RBFOX1: variants seen among roughly 807,000 people sequenced by gnomAD.
RBFOX1 encodes the protein RNA binding protein fox-1 homolog 1.
A neutral mutation model predicts 57.7 loss-of-function variants in RBFOX1; 8 were observed. The observed-to-expected ratio is 0.14, with a 90% CI of 0.08 to 0.25. RBFOX1 has a LOEUF of 0.25. RBFOX1 is among the 10% of genes least tolerant of loss of function. RBFOX1 has a pLI of 1.00. For missense variants in RBFOX1, 611 were observed against 548.5 expected (o/e 1.11, Z -1.14); for synonymous variants, 326 against 222.4 (o/e 1.47, Z -4.15).
chr16:5,664,852 A>G (rs542055449), intron 3 of RBFOX1, among the ~76,000 whole-genome samples: 2 of 152,078 alleles, frequency 1.3e-5, no homozygotes, highest in East Asian at 3.9e-4. Flanking sequence ...TGCAATACAC[A>G]TGGCCTTGAT....
At chr16:7,242,135 T>C (rs1297055756) in intron 4 of RBFOX1, among the ~76,000 whole-genome samples, 1 of 152,166 alleles carries the variant, frequency 6.6e-6, no homozygotes, top group African/African-American at 2.4e-5. Context: ...TGCTTATTGC[T>C]TGGCACACAT....
At chr16:7,173,885 A>G (rs188101747) in intron 4 of RBFOX1, among the ~76,000 whole-genome samples, 1 of 152,226 alleles carries the variant, frequency 6.6e-6, no homozygotes, top group East Asian at 1.9e-4. Flanking sequence ...TATTATGCTC[A>G]GTGGTTTCTC....
intron 1 of RBFOX1, among the ~76,000 whole-genome samples, chr16:5,281,152 AT>A (rs919579150): frequency 6.6e-6 from 1 of 152,086 alleles, no homozygotes; most frequent in Admixed American, 6.5e-5. Context: ...TGTTTAAAAA[AT>A]TTTTTTAATT....
intron 1 of RBFOX1, among the ~76,000 whole-genome samples, chr16:5,444,278 C>T (rs2068174550): frequency 6.6e-6 from 1 of 152,224 alleles, no homozygotes; most frequent in African/African-American, 2.4e-5. Context: ...CCTGTTGCTT[C>T]TGATGACCTC....
Position 6,768,092 on chromosome 16 carries a change from T to A in RBFOX1, c.-16+113442T>A, listed in dbSNP as rs373544149. On this transcript the variant is annotated intron_variant, in intron 3 of 15. Coordinates refer to ENST00000550418, the MANE Select transcript of RBFOX1 (RefSeq NM_018723.4). ...TTAGTTATTTAGCTGGAAATATGAA[T>A]CCACTGATAAAGGTGGATTTGCTTG... Among the ~76,000 whole-genome samples, 10 of 151,092 alleles carry A rather than the reference T, an allele frequency of 6.6e-5. No homozygotes were observed. In the East Asian group the frequency reaches 1.8e-3, roughly 26 times the overall value.
intron 4 of RBFOX1, among the ~76,000 whole-genome samples, chr16:7,133,297 A>C (rs1010412829): frequency 3.3e-5 from 5 of 152,326 alleles, no homozygotes; most frequent in South Asian, 2.1e-4. Context: ...TGGAGAGTAC[A>C]CTTGAAAAGC....
chr16:5,365,378 G>T (rs1046933022), intron 1 of RBFOX1, among the ~76,000 whole-genome samples: 1 of 152,160 alleles, frequency 6.6e-6, no homozygotes, highest in Non-Finnish European at 1.5e-5. Context: ...ATTAAGAAAA[G>T]TGTTACCGGC....
intron 4 of RBFOX1, among the ~76,000 whole-genome samples, chr16:7,406,102 C>T (rs144275941): frequency 5.9e-5 from 9 of 152,250 alleles, no homozygotes; most frequent in Non-Finnish European, 1.3e-4. Context: ...GAGGTGAAGG[C>T]TTTCTTGGCA....
chr16:5,551,503 A>G (rs1328548879), intron 2 of RBFOX1, among the ~76,000 whole-genome samples: 2 of 152,150 alleles, frequency 1.3e-5, no homozygotes, highest in African/African-American at 4.8e-5. Flanking sequence ...TTATTTAGGA[A>G]TAGATTTACA....
chr16:7,001,397 T>TG (rs1568311766), intron 3 of RBFOX1, among the ~76,000 whole-genome samples: 2,223 of 108,416 alleles, frequency 0.021, 52 homozygotes, highest in African/African-American at 0.14. Flanking sequence ...TGTATGTGTA[T>TG]TTGTATATGT....
At chr16:7,615,570 A>G (rs999304920) in intron 10 of RBFOX1, among the ~76,000 whole-genome samples, 6 of 152,158 alleles carry the variant, frequency 3.9e-5, no homozygotes, top group Admixed American at 2.6e-4. Context: ...TTGTGACTCC[A>G]AAGCTCATTT....
At chr16:5,941,405 A>C (rs1416894493) in intron 4 of RBFOX1, among the ~76,000 whole-genome samples, 7 of 151,912 alleles carry the variant, frequency 4.6e-5, no homozygotes. Flanking sequence ...TGGGTGGATC[A>C]CTTGAGCCCA....
intron 2 of RBFOX1, among the ~76,000 whole-genome samples, chr16:6,401,609 G>A (rs1319896289): frequency 6.6e-6 from 1 of 152,098 alleles, no homozygotes; most frequent in Non-Finnish European, 1.5e-5. Context: ...TCATTTTTCA[G>A]TCATTTTGTA....
At position 6,255,135 on chromosome 16, in the gene RBFOX1, C is replaced by T. The variant is rs540034109; in HGVS notation, c.-126-61860C>T. Among the ~76,000 whole-genome samples the T allele has an allele frequency of 7.0e-4, 106 of 152,212 alleles. 1 individual carries two copies. Among genetic ancestry groups the T allele is most frequent in the Middle Eastern group, 3.4e-3 (1 of 294 alleles). The stretch of plus-strand genomic sequence containing the variant: ...GAGAGAGATAAACAAGAAAGAAAGT[C>T]TGTGGATTAGAAGGGTGGTGAGAAC... On this transcript the variant is annotated intron_variant, in intron 1 of 15. Transcript: ENST00000550418.
intron 3 of RBFOX1, among the ~76,000 whole-genome samples, chr16:6,771,497 C>T (rs2078286835): frequency 6.6e-6 from 1 of 152,238 alleles, no homozygotes; most frequent in East Asian, 1.9e-4. Context: ...CCTAAGTCAG[C>T]AGTCCTAGCA....
chr16:7,350,170 A>G (rs1431357784), intron 4 of RBFOX1, among the ~76,000 whole-genome samples: 2 of 152,102 alleles, frequency 1.3e-5, no homozygotes, highest in Non-Finnish European at 1.5e-5. Flanking sequence ...AAAAATGGTT[A>G]CATGGTAGTG....
At chr16:7,033,378 G>T (rs1230805369) in intron 3 of RBFOX1, among the ~76,000 whole-genome samples, 2 of 152,158 alleles carry the variant, frequency 1.3e-5, no homozygotes, top group Non-Finnish European at 2.9e-5. Flanking sequence ...AAATTAGCCA[G>T]ATGTGATGGC....
intron 3 of RBFOX1, among the ~76,000 whole-genome samples, chr16:6,956,168 G>A (rs771080424): frequency 6.6e-6 from 1 of 152,154 alleles, no homozygotes; most frequent in Non-Finnish European, 1.5e-5. Context: ...GGAAAAGATG[G>A]AATGAGGAAG....
chr16:7,606,241 A>C lies in RBFOX1; in HGVS notation c.623-1044A>C, dbSNP rs559330557. ...GGTTCAGGTGATTCTCCTGCCTCGGACTCCCAAGTAGCTGGGATTACAGGT... is the reference window on the plus strand; with the variant it reads ...GGTTCAGGTGATTCTCCTGCCTCGGCCTCCCAAGTAGCTGGGATTACAGGT... On this transcript the variant is annotated intron_variant, in intron 9 of 15. Coordinates refer to ENST00000550418, the MANE Select transcript of RBFOX1 (RefSeq NM_018723.4). Among the ~76,000 whole-genome samples the C allele has an allele frequency of 3.3e-5, 5 of 149,984 alleles. No homozygotes were observed. The East Asian group carries it at 9.9e-4, about 30-fold the overall frequency.
Sources: gnomAD v4.1 joint callset for allele counts (sites outside exome capture counted in the v4.1 genomes callset) on GRCh38, gnomAD v4.1.1 for gene constraint, MANE v1.5 for transcripts, NCBI Gene and HGNC (gene_info 2026-07-23, HGNC 2026-07-21) for gene names.